Variants in ETV6 observed in about 807,000 individuals in gnomAD.
The protein encoded by ETV6 is ETS variant transcription factor 6.
A neutral mutation model predicts 51.1 loss-of-function variants in ETV6; 16 were observed. The ratio of observed to expected loss-of-function variants is 0.31; its 90% CI spans 0.21 to 0.48. The LOEUF (loss-of-function observed/expected upper bound fraction) is 0.48, where lower values mean the gene tolerates loss of function less well. ETV6 is among the 20% of genes least tolerant of loss of function. The pLI is 0.99. For missense variants in ETV6, 458 were observed against 594.8 expected, an observed-to-expected ratio of 0.77 and a Z score of 2.39; for synonymous variants, 240 against 224.1, an observed-to-expected ratio of 1.07 and a Z score of -0.64.
intron 2 of ETV6, among the ~76,000 whole-genome samples, chr12:11,824,771 CAAAAAGAAAAAG>C (rs141446672): frequency 5.9e-5 from 9 of 151,966 alleles, no homozygotes; most frequent in Non-Finnish European, 1.3e-4. Context: ...GACTCCATCT[CAAAAAGAAAAAG>C]AAAAAGAAAA....
At chr12:11,850,925 G>A (rs113900397) in intron 3 of ETV6, among the ~76,000 whole-genome samples, 36 of 152,336 alleles carry the variant, frequency 2.4e-4, no homozygotes, top group African/African-American at 7.7e-4. Context: ...GAGGGGTCCA[G>A]GGAGCAGTGT....
At chr12:11,661,693 C>A (rs138801153) in intron 1 of ETV6, among the ~76,000 whole-genome samples, 14 of 152,338 alleles carry the variant, frequency 9.2e-5, no homozygotes, top group African/African-American at 3.1e-4. Context: ...GACGCTGATA[C>A]TTTCGGGTGA....
chr12:11,691,661 A>T (rs1021515868), intron 1 of ETV6, among the ~76,000 whole-genome samples: 1 of 152,200 alleles, frequency 6.6e-6, no homozygotes, highest in Non-Finnish European at 1.5e-5. Context: ...GTGTATTGCT[A>T]TGCATCACGG....
chr12:11,892,749 C>T lies in ETV6; in HGVS notation c.*1703C>T, dbSNP rs1169482658. 4 of 232,894 alleles carry T rather than the reference C, an allele frequency of 1.7e-5. No homozygotes were observed. The highest frequency in any genetic ancestry group is 3.4e-5 in the Non-Finnish European group (4 of 117,926). 14.4% of individuals were successfully genotyped at this position (232,894 alleles called of 1,614,324 possible). On this transcript the variant is annotated 3_prime_UTR_variant, in exon 8 of 8. Transcript: ENST00000396373. ...ACCAGACCCCTGGGCTTCTCCCCAG[C>T]TTTTTCTGAGTTGAGTCAGACATGT...
intron 7 of ETV6, among the ~76,000 whole-genome samples, chr12:11,886,834 A>G (rs1239622955): frequency 6.6e-6 from 1 of 152,216 alleles, no homozygotes; most frequent in Admixed American, 6.5e-5. Flanking sequence ...GGTGGTAGTC[A>G]TTAGCGGGGC....
At chr12:11,884,351 C>A in intron 5 of ETV6, 94 bp from the exon 6 acceptor site, 2 of 1,383,544 alleles carry the variant, frequency 1.4e-6, no homozygotes, top group Admixed American at 1.7e-5. Context: ...CCAAGCTAGG[C>A]AGAAGCAGTT....
At chr12:11,854,645 T>G (rs1347683463) in intron 4 of ETV6, among the ~76,000 whole-genome samples, 1 of 152,156 alleles carries the variant, frequency 6.6e-6, no homozygotes, top group African/African-American at 2.4e-5. Flanking sequence ...TGATCAGCAT[T>G]TTGTCATTGC....
At chr12:11,650,876 A>G (rs534753046) in intron 1 of ETV6, among the ~76,000 whole-genome samples, 9 of 152,382 alleles carry the variant, frequency 5.9e-5, no homozygotes, top group African/African-American at 2.2e-4. Flanking sequence ...CTAAGCAACC[A>G]GGCAAAATGA....
rs138986704 is a variant in ETV6, at chr12:11,863,948, G to A, written c.464-5476G>A. Among the ~76,000 whole-genome samples the A allele has an allele frequency of 4.1e-4, 63 of 152,258 alleles. 1 individual carries two copies. In the East Asian group the frequency reaches 8.7e-3, roughly 21 times the overall value. On this transcript the variant is annotated intron_variant, in intron 4 of 7. Transcript: ENST00000396373. ...CAGGAGCCTGGAATTAAATACCCTC[G>A]GATCCAGTTCTCTACTGTTAATGTT... is the stretch of plus-strand genomic sequence containing the variant.
intron 1 of ETV6, among the ~76,000 whole-genome samples, chr12:11,653,245 A>C (rs1418913189): frequency 1.3e-5 from 2 of 152,232 alleles, no homozygotes; most frequent in Admixed American, 6.5e-5. Context: ...CTTTTCCATC[A>C]TCAGCCTTCA....
intron 1 of ETV6, among the ~76,000 whole-genome samples, chr12:11,741,903 A>G (rs997243990): frequency 6.6e-5 from 10 of 152,242 alleles, no homozygotes; most frequent in Non-Finnish European, 1.2e-4. Context: ...GAGCTTTAAC[A>G]GCGTTCATGC....
intron 5 of ETV6, among the ~76,000 whole-genome samples, chr12:11,876,298 AATT>A (rs1180224767): frequency 3.9e-5 from 6 of 152,164 alleles, no homozygotes; most frequent in Non-Finnish European, 8.8e-5. Flanking sequence ...TTGATTCAAA[AATT>A]ATTGCCAGTC....
chr12:11,808,174 A>G (rs987571038), intron 2 of ETV6, among the ~76,000 whole-genome samples: 10 of 152,202 alleles, frequency 6.6e-5, no homozygotes, highest in African/African-American at 2.4e-4. Flanking sequence ...GTTCATTCCA[A>G]AACCTCAACT....
chr12:11,698,050 A>G (rs964161711), intron 1 of ETV6, among the ~76,000 whole-genome samples: 2 of 152,250 alleles, frequency 1.3e-5, no homozygotes, highest in Non-Finnish European at 2.9e-5. Context: ...ATGAAATACC[A>G]TAGAAAACTA....
intron 1 of ETV6, among the ~76,000 whole-genome samples, chr12:11,724,508 T>C (rs1865452174): frequency 1.3e-5 from 2 of 152,176 alleles, no homozygotes; most frequent in African/African-American, 4.8e-5. Flanking sequence ...TAAATGAACA[T>C]TGAAAGTCTA....
intron 1 of ETV6, among the ~76,000 whole-genome samples, chr12:11,732,441 G>A (rs1865617721): frequency 6.6e-6 from 1 of 152,182 alleles, no homozygotes. Flanking sequence ...GAGGAAAGAA[G>A]CTGGAAGTAG....
chr12:11,887,948 A>C (rs1434335440), intron 7 of ETV6, among the ~76,000 whole-genome samples: 1 of 152,084 alleles, frequency 6.6e-6, no homozygotes, highest in Non-Finnish European at 1.5e-5. Flanking sequence ...AGGGGCTAGA[A>C]GCCTGGGAAC....
chr12:11,887,134 A>G (rs537855554), intron 7 of ETV6, among the ~76,000 whole-genome samples: 3 of 152,324 alleles, frequency 2.0e-5, no homozygotes, highest in African/African-American at 7.2e-5. Flanking sequence ...GGAAAGGGAA[A>G]CAGAATAGAA....
intron 2 of ETV6, among the ~76,000 whole-genome samples, chr12:11,782,157 C>G (rs887685606): frequency 2.0e-5 from 3 of 152,198 alleles, no homozygotes; most frequent in Non-Finnish European, 2.9e-5. Context: ...ATCAGATGCA[C>G]TGCTTGGCTC....
Sources: gnomAD v4.1 joint callset for allele counts (sites outside exome capture counted in the v4.1 genomes callset) on GRCh38, gnomAD v4.1.1 for gene constraint, MANE v1.5 for transcripts, NCBI Gene and HGNC (gene_info 2026-07-23, HGNC 2026-07-21) for gene names.